FNTB: variants seen among roughly 807,000 people sequenced by gnomAD.
FNTB encodes farnesyltransferase, CAAX box, subunit beta, also known as protein farnesyltransferase subunit beta.
Under a neutral mutation model 59.4 loss-of-function variants are expected in FNTB, and 27 were observed. The observed-to-expected ratio is 0.45, with a 90% CI of 0.34 to 0.63. The LOEUF (loss-of-function observed/expected upper bound fraction) is 0.63. Ranked by LOEUF, FNTB falls within the 20% of genes least tolerant of loss-of-function variation. FNTB has a pLI of 0.02. For synonymous variants in FNTB, 230 were observed against 220.7 expected (o/e 1.04, Z -0.37); for missense variants, 449 against 559.6 (o/e 0.80, Z 1.99).
At chr14:65,035,602 T>G (rs1025176054) in intron 7 of FNTB, among the ~76,000 whole-genome samples, 2 of 152,120 alleles carry the variant, frequency 1.3e-5, no homozygotes, top group Non-Finnish European at 2.9e-5. Context: ...TGATCACAGC[T>G]CGCTGCAGCC....
Position 65,005,523 on chromosome 14 carries a change from T to TC in FNTB, c.209+1210_209+1211insC, listed in dbSNP as rs1566865156. On this transcript the variant is annotated intron_variant, in intron 2 of 11. Transcript: ENST00000246166. ...TTTCTTTCTTTCTTTCTCTCTCTCT[T>TC]TCTCTTTCTCTTTCTTTCTCTCCTC... 8.8e-4 allele frequency among the ~76,000 whole-genome samples: 64 copies of TC among 72,868 alleles called. 1 individual carries two copies. The South Asian group carries it at 0.02, about 23-fold the overall frequency. 47.8% of individuals were successfully genotyped at this position (72,868 alleles called of 152,430 possible).
intron 3 of FNTB, among the ~76,000 whole-genome samples, chr14:65,013,691 G>A (rs958763872): frequency 1.3e-5 from 2 of 152,130 alleles, no homozygotes; most frequent in African/African-American, 4.8e-5. Context: ...AGGATTACAG[G>A]TGTGCACCAT....
At chr14:65,042,205 G>A (rs544078259) in intron 8 of FNTB, among the ~76,000 whole-genome samples, 1 of 152,116 alleles carries the variant, frequency 6.6e-6, no homozygotes, top group South Asian at 2.1e-4. Flanking sequence ...GGGACGGGGG[G>A]TGATGGCTTC....
At chr14:64,998,767 A>C (rs1888496402) in intron 1 of FNTB, among the ~76,000 whole-genome samples, 1 of 152,244 alleles carries the variant, frequency 6.6e-6, no homozygotes, top group Non-Finnish European at 1.5e-5. Flanking sequence ...AGCTAAGTGA[A>C]TCTATAGGTC....
At position 65,032,628 on chromosome 14, in the gene FNTB, C is replaced by A; in HGVS notation, c.624C>A (p.Ala208=). The A allele has an allele frequency of 6.2e-7, 1 of 1,613,954 alleles. No homozygotes were observed. Among genetic ancestry groups the A allele is most frequent in the Non-Finnish European group, 8.5e-7 (1 of 1,180,026 alleles). Residue 208 remains alanine, a synonymous_variant, in exon 7 of 12, where the codon GCC becomes GCA. Transcript: ENST00000246166. The surrounding 1 kb of genome is among the most constrained non-coding windows in gnomAD (Gnocchi z 5.0). ...TTTCCAGAAGCGCATACTGTGCTGC[C>A]TCCGTAGCCTCGCTGACCAACATCA... ...EVDVRSAYCA[A]SVASLTNIIT... is the part of the protein sequence containing the mutation.
chr14:65,002,708 C>G (rs1160751189), intron 1 of FNTB, among the ~76,000 whole-genome samples: 1 of 152,254 alleles, frequency 6.6e-6, no homozygotes, highest in Admixed American at 6.5e-5. Context: ...GAAGAATCCT[C>G]AAATCCCTCC....
chr14:65,002,697 G>C (rs2061536492), intron 1 of FNTB, among the ~76,000 whole-genome samples: 1 of 152,184 alleles, frequency 6.6e-6, no homozygotes, highest in Non-Finnish European at 1.5e-5. Context: ...TGAGGAGATG[G>C]GAAGAATCCT....
At chr14:65,038,635 T>G (rs933184203) in intron 7 of FNTB, among the ~76,000 whole-genome samples, 4 of 152,068 alleles carry the variant, frequency 2.6e-5, no homozygotes, top group African/African-American at 4.8e-5. Context: ...GGAGAATCAC[T>G]TGAACCCAGG....
intron 7 of FNTB, among the ~76,000 whole-genome samples, chr14:65,039,024 A>G (rs1267194096): frequency 6.6e-6 from 1 of 151,976 alleles, no homozygotes; most frequent in Non-Finnish European, 1.5e-5. Context: ...CCTCCAATTT[A>G]TTTTTGTTTG....
chr14:65,022,560 T>TCTCGCTGTATTGC (rs1358961371), intron 4 of FNTB, among the ~76,000 whole-genome samples: 1 of 152,152 alleles, frequency 6.6e-6, no homozygotes, highest in African/African-American at 2.4e-5. Flanking sequence ...AGAGATAAGG[T>TCTCGCTGTATTGC]CTCGCTGTAT....
At chr14:64,996,766 C>CTTTTTTTTTT (rs34327825) in intron 1 of FNTB, among the ~76,000 whole-genome samples, 6 of 94,436 alleles carry the variant, frequency 6.4e-5, no homozygotes, top group East Asian at 3.6e-4. Context: ...TTGCTAACAT[C>CTTTTTTTTTT]TTTTTTTTTT....
intron 1 of FNTB, among the ~76,000 whole-genome samples, chr14:64,993,819 G>A (rs977968830): frequency 2.0e-4 from 31 of 151,364 alleles, no homozygotes; most frequent in Admixed American, 6.6e-5. Context: ...ACTATTCTCT[G>A]CTTTTATTGA....
chr14:64,997,256 G>T lies in FNTB; in HGVS notation c.145-6993G>T, dbSNP rs1046422371. ...ATCCCAATTGCAGAACCTAAGATTG[G>T]CTGTTTGAGATGTCTTTTCAGATTT... On this transcript the variant is annotated intron_variant, in intron 1 of 11. Coordinates refer to ENST00000246166, the MANE Select transcript of FNTB (RefSeq NM_002028.4). The surrounding 1 kb of genome is among the most constrained non-coding windows in gnomAD (Gnocchi z 4.5). 2.0e-5 allele frequency among the ~76,000 whole-genome samples: 3 copies of T among 152,160 alleles called. No individual in the cohort carries two copies. Among genetic ancestry groups the T allele is most frequent in the Non-Finnish European group, 4.4e-5 (3 of 68,040 alleles).
At position 65,032,569 on chromosome 14, in the gene FNTB, T is replaced by C. The variant is rs1283517701; in HGVS notation, c.606-41T>C. The C allele has an allele frequency of 6.2e-7, 1 of 1,607,014 alleles. No homozygotes were observed. The highest frequency in any genetic ancestry group is 1.3e-5 in the African/African-American group (1 of 74,648). ...GGAGTTCACTGAGCCTCATTAGCTC[T>C]TCCGTAGAGCTTAATGTGTTTCCCG... is the stretch of plus-strand genomic sequence containing the variant. On this transcript the variant is annotated intron_variant, in intron 6 of 11. Coordinates refer to ENST00000246166, the MANE Select transcript of FNTB (RefSeq NM_002028.4). This position sits in a 1 kb window ranked among gnomAD's most constrained non-coding sequence, Gnocchi z 5.0.
rs751099397 is a variant in FNTB, at chr14:65,054,614, C to A, written c.1107C>A (p.Gly369=). Residue 369 remains glycine (G), a synonymous_variant, in exon 11 of 12, where the codon GGC becomes GGA. Transcript: ENST00000246166. This position sits in a 1 kb window ranked among gnomAD's most constrained non-coding sequence, Gnocchi z 4.4. ...DFYHTCYCLS[G]LSIAQHFGSG... is the part of the protein sequence containing the mutation. ...ACCACACCTGCTACTGCCTGAGCGG[C>A]CTGTCCATAGCCCAGCACTTCGGCA... The A allele has an allele frequency of 4.3e-6, 7 of 1,613,852 alleles. No individual in the cohort carries two copies. Among genetic ancestry groups the A allele is most frequent in the Non-Finnish European group, 5.9e-6 (7 of 1,179,920 alleles).
chr14:65,050,668 C>T (rs2062586879), intron 9 of FNTB, among the ~76,000 whole-genome samples: 3 of 152,144 alleles, frequency 2.0e-5, no homozygotes, highest in Admixed American at 1.3e-4. Flanking sequence ...TATATAAAGT[C>T]TTTGTTTTTA....
At chr14:64,987,164 G>C in intron 1 of FNTB, 67 bp downstream of exon 1, 1 of 1,582,376 alleles carries the variant, frequency 6.3e-7, no homozygotes, top group Non-Finnish European at 8.6e-7. Flanking sequence ...CCGTTCGTAG[G>C]GCCGCCCGGG....
chr14:65,049,125 TA>T (rs59771962), intron 9 of FNTB, among the ~76,000 whole-genome samples: 76,601 of 139,644 alleles, frequency 0.55, 20,470 homozygotes, highest in African/African-American at 0.64. Flanking sequence ...GGACTCCGTC[TA>T]AAAAAAAAAA....
At chr14:65,059,842 T>TTC (rs1041954170) in intron 11 of FNTB, among the ~76,000 whole-genome samples, 4 of 150,074 alleles carry the variant, frequency 2.7e-5, no homozygotes, top group Non-Finnish European at 3.0e-5. Context: ...TTTTTCTTTT[T>TTC]TTTTTTTTTT....
Sources: gnomAD v4.1 joint callset for allele counts (sites outside exome capture counted in the v4.1 genomes callset) on GRCh38, gnomAD v4.1.1 for gene constraint, Gnocchi (gnomAD v3.1) non-coding constraint, MANE v1.5 for transcripts, NCBI Gene and HGNC (gene_info 2026-07-23, HGNC 2026-07-21) for gene names.